Variants in COX7B2 observed in about 807,000 individuals in gnomAD.
COX7B2 encodes the protein cytochrome c oxidase subunit 7B2, mitochondrial.
For synonymous variants in COX7B2, 37 were observed against 32.1 expected (o/e 1.15, Z -0.51); for missense variants, 109 against 95.9 (o/e 1.14, Z -0.57).
intron 2 of COX7B2, among the ~76,000 whole-genome samples, chr4:46,786,046 T>C (rs1474663245): frequency 6.6e-6 from 1 of 152,168 alleles, no homozygotes; most frequent in Admixed American, 6.5e-5. Flanking sequence ...AATAGTTCTT[T>C]TTGCTTTTAT....
At chr4:46,852,743 A>G (rs768265827) in intron 1 of COX7B2, among the ~76,000 whole-genome samples, 15 of 152,156 alleles carry the variant, frequency 9.9e-5, no homozygotes, top group Non-Finnish European at 1.5e-4. Context: ...CCCAATGCAC[A>G]TTATCACAGC....
Position 46,734,876 on chromosome 4 carries a change from A to T in COX7B2, c.*71T>A. On this transcript the variant is annotated 3_prime_UTR_variant, in exon 3 of 3. Transcript: ENST00000355591. ...TATTTTTTCAATTGTGCTATATTTT[A>T]ATAAGCAGTAGAGTGCTTACATGAC... The T allele has an allele frequency of 6.6e-7, 1 of 1,508,918 alleles. No individual in the cohort carries two copies. Among genetic ancestry groups the T allele is most frequent in the East Asian group, 2.3e-5 (1 of 44,280 alleles). The allele number at this position is 1,508,918 out of a possible 1,614,324, so 93.5% of individuals were successfully genotyped here.
intron 1 of COX7B2, among the ~76,000 whole-genome samples, chr4:46,878,210 A>G (rs997949917): frequency 6.6e-6 from 1 of 152,118 alleles, no homozygotes; most frequent in Admixed American, 6.5e-5. Flanking sequence ...GATCAAAGTC[A>G]TAGAAACAGT....
Position 46,846,637 on chromosome 4 carries a change from C to A in COX7B2, c.-104-1623G>T, listed in dbSNP as rs534593590. Among the ~76,000 whole-genome samples, 10 of 151,848 alleles carry A rather than the reference C, an allele frequency of 6.6e-5. No homozygotes were observed. In the East Asian group the frequency reaches 1.8e-3, roughly 27 times the overall value. On this transcript the variant is annotated intron_variant, in intron 1 of 2. Coordinates refer to ENST00000355591, the MANE Select transcript of COX7B2 (RefSeq NM_130902.3). ...AGCTGCTCAGAAAACAGCAAGTTAGCCACTATTCTGGAATGGAATGAAAAA... is the reference window on the plus strand; with the variant it reads ...AGCTGCTCAGAAAACAGCAAGTTAGACACTATTCTGGAATGGAATGAAAAA...
chr4:46,752,053 T>C (rs58448192), intron 2 of COX7B2, among the ~76,000 whole-genome samples: 49,653 of 152,070 alleles, frequency 0.33, 8,375 homozygotes, highest in South Asian at 0.47. Flanking sequence ...TCCATGAGCA[T>C]GGAATATTCT....
chr4:46,908,082 A>C (rs1410854805), intron 1 of COX7B2, among the ~76,000 whole-genome samples: 1 of 151,382 alleles, frequency 6.6e-6, no homozygotes, highest in East Asian at 1.9e-4. Flanking sequence ...CGATCTCTTG[A>C]TCTCGTGATC....
At chr4:46,898,574 T>C (rs995407841) in intron 1 of COX7B2, among the ~76,000 whole-genome samples, 2 of 152,028 alleles carry the variant, frequency 1.3e-5, no homozygotes, top group Non-Finnish European at 2.9e-5. Context: ...TACACCACCA[T>C]GCCTGGCTAA....
intron 1 of COX7B2, among the ~76,000 whole-genome samples, chr4:46,879,585 T>C (rs1365160571): frequency 6.6e-6 from 1 of 152,058 alleles, no homozygotes; most frequent in East Asian, 1.9e-4. Context: ...CTTTTCTAAA[T>C]GATGATCCAT....
In COX7B2 at chr4:46,842,584, A is replaced by T. The variant is rs184915780; in HGVS notation, c.-50+2376T>A. 4.5e-3 allele frequency among the ~76,000 whole-genome samples: 673 copies of T among 150,354 alleles called. 6 individuals carry two copies. Among genetic ancestry groups the T allele is most frequent in the African/African-American group, 0.016 (652 of 40,910 alleles). On this transcript the variant is annotated intron_variant, in intron 2 of 2. Coordinates refer to ENST00000355591, the MANE Select transcript of COX7B2 (RefSeq NM_130902.3). ...ACCCCACAACAGTCCCCGGTGTGTG[A>T]TGTTCCCCTTCCTGTGTCCATGTGT...
At chr4:46,815,018 T>A (rs1719477512) in intron 2 of COX7B2, among the ~76,000 whole-genome samples, 2 of 151,984 alleles carry the variant, frequency 1.3e-5, no homozygotes, top group African/African-American at 4.8e-5. Context: ...AAACCCCGTC[T>A]CTACTGAAGA....
intron 2 of COX7B2, among the ~76,000 whole-genome samples, chr4:46,802,340 G>C (rs560228107): frequency 1.3e-5 from 2 of 152,246 alleles, no homozygotes; most frequent in East Asian, 3.9e-4. Flanking sequence ...CTAAACAAGG[G>C]AATCATGTTA....
intron 2 of COX7B2, among the ~76,000 whole-genome samples, chr4:46,768,376 G>A (rs945526346): frequency 5.9e-5 from 9 of 151,880 alleles, no homozygotes; most frequent in Non-Finnish European, 1.0e-4. Flanking sequence ...TTCTCCTCTC[G>A]ACATTTAGAT....
At chr4:46,750,494 A>T (rs1401599929) in intron 2 of COX7B2, among the ~76,000 whole-genome samples, 2 of 151,616 alleles carry the variant, frequency 1.3e-5, no homozygotes, top group East Asian at 3.9e-4. Context: ...ATGTTCCTAA[A>T]TATAACTATT....
chr4:46,789,897 A>C (rs186400452), intron 2 of COX7B2, among the ~76,000 whole-genome samples: 1 of 152,228 alleles, frequency 6.6e-6, no homozygotes, highest in East Asian at 1.9e-4. Context: ...TGTAGGTGAC[A>C]CTTCTTAGGA....
chr4:46,876,081 G>C lies in COX7B2; in HGVS notation c.-104-31067C>G, dbSNP rs1348711501. Among the ~76,000 whole-genome samples, 4 of 152,142 alleles carry C rather than the reference G, an allele frequency of 2.6e-5. No individual in the cohort carries two copies. The East Asian group carries it at 7.8e-4, about 30-fold the overall frequency. Reference sequence around the variant, plus strand: ...TGCAATTTTTTTCATATTAACCACAGTGCTTTGTCAGTGCTGGAAACACAC... The same window carrying C: ...TGCAATTTTTTTCATATTAACCACACTGCTTTGTCAGTGCTGGAAACACAC... On this transcript the variant is annotated intron_variant, in intron 1 of 2. Coordinates refer to ENST00000355591, the MANE Select transcript of COX7B2 (RefSeq NM_130902.3).
At chr4:46,896,970 GTCTC>G (rs1234152884) in intron 1 of COX7B2, among the ~76,000 whole-genome samples, 1 of 152,210 alleles carries the variant, frequency 6.6e-6, no homozygotes, top group East Asian at 1.9e-4. Flanking sequence ...AAAATAAATA[GTCTC>G]TCTGGAAGAT....
At chr4:46,884,357 T>C (rs1363717166) in intron 1 of COX7B2, among the ~76,000 whole-genome samples, 2 of 152,194 alleles carry the variant, frequency 1.3e-5, no homozygotes, top group Non-Finnish European at 2.9e-5. Flanking sequence ...ATGGCCAGAC[T>C]GCATTTCCTT....
chr4:46,858,063 C>A (rs1398958647), intron 1 of COX7B2, among the ~76,000 whole-genome samples: 1 of 152,106 alleles, frequency 6.6e-6, no homozygotes, highest in Non-Finnish European at 1.5e-5. Flanking sequence ...CAATCCCATT[C>A]CACCCCAATA....
chr4:46,860,439 A>G (rs986325390), intron 1 of COX7B2, among the ~76,000 whole-genome samples: 2 of 152,154 alleles, frequency 1.3e-5, no homozygotes, highest in Admixed American at 6.5e-5. Context: ...TCCTTGCAGC[A>G]GTCAAACCCT....
Sources: allele counts gnomAD v4.1 joint callset (sites outside exome capture counted in the v4.1 genomes callset), GRCh38; gene constraint gnomAD v4.1.1; transcripts MANE v1.5; gene names NCBI Gene and HGNC (gene_info 2026-07-23, HGNC 2026-07-21).